ACTR3C: variants seen among roughly 807,000 people sequenced by gnomAD.
The protein encoded by ACTR3C is actin related protein 3C, also known as actin-related protein 3C.
In ACTR3C, 18 loss-of-function variants were observed where a neutral mutation model predicts 26.3. The observed-to-expected ratio is 0.68, with a 90% confidence interval of 0.47 to 1.01. The LOEUF is 1.01. Ranked by LOEUF, ACTR3C falls within the 50% of genes least tolerant of loss-of-function variation. The probability of loss-of-function intolerance (pLI) is 0.00; values close to 1 mark genes in which losing one functional copy is unlikely to be tolerated. For synonymous variants in ACTR3C, 55 were observed against 94.5 expected (o/e 0.58, Z 2.42); for missense variants, 184 against 250.7 (o/e 0.73, Z 1.80).
the ACTR3C span, among the ~76,000 whole-genome samples, chr7:150,099,833 C>A: frequency 1.3e-5 from 2 of 151,466 alleles, no homozygotes; most frequent in African/African-American, 4.9e-5. Context: ...CAGTGCCCAG[C>A]CTGCCAGCTG....
chr7:150,129,824 T>C, the ACTR3C span, among the ~76,000 whole-genome samples: 1 of 152,016 alleles, frequency 6.6e-6, no homozygotes, highest in African/African-American at 2.4e-5. Flanking sequence ...GCAGAAATCA[T>C]CAAACTTATT....
chr7:150,254,228 G>A (rs184639192), intron 6 of ACTR3C, among the ~76,000 whole-genome samples: 1 of 152,262 alleles, frequency 6.6e-6, no homozygotes, highest in Admixed American at 6.5e-5. Flanking sequence ...GCATGGCTTG[G>A]AGAACCAGTG....
the ACTR3C span, among the ~76,000 whole-genome samples, chr7:150,003,848 A>G: frequency 6.9e-6 from 1 of 145,752 alleles, no homozygotes; most frequent in Middle Eastern, 4.2e-3. Flanking sequence ...ATGATGTGGT[A>G]TATGGTGTGT....
the ACTR3C span, among the ~76,000 whole-genome samples, chr7:149,986,231 C>A: frequency 0.018 from 2,677 of 152,176 alleles, 72 homozygotes; most frequent in African/African-American, 0.061. Context: ...CTGTGGAAAA[C>A]CCACTCAACA....
At chr7:149,881,417 G>C in the ACTR3C span, 1 of 153,122 alleles carries the variant, frequency 6.5e-6, no homozygotes, top group African/African-American at 2.4e-5. Context: ...AGAAGCGAGG[G>C]GGGAGCTGCT....
the ACTR3C span, among the ~76,000 whole-genome samples, chr7:150,115,717 G>A: frequency 1.3e-5 from 2 of 152,236 alleles, no homozygotes; most frequent in African/African-American, 4.8e-5. Flanking sequence ...AATAGGTACA[G>A]TACTCAGTCA....
the ACTR3C span, among the ~76,000 whole-genome samples, chr7:150,125,256 A>ATT: frequency 0.21 from 29,556 of 142,768 alleles, 3,149 homozygotes; most frequent in Non-Finnish European, 0.25. Flanking sequence ...TCATTGCAGT[A>ATT]TTTTTTTTTT....
the ACTR3C span, among the ~76,000 whole-genome samples, chr7:150,082,947 C>CT: frequency 0.43 from 46,267 of 108,034 alleles, 10,771 homozygotes; most frequent in East Asian, 0.62. Flanking sequence ...TTTTTTTTTT[C>CT]TTTTTTTTTT....
the ACTR3C span, among the ~76,000 whole-genome samples, chr7:150,119,931 C>T: frequency 6.6e-6 from 1 of 152,208 alleles, no homozygotes; most frequent in Non-Finnish European, 1.5e-5. Flanking sequence ...TTAAGACACT[C>T]ACTCAAAACT....
the ACTR3C span, among the ~76,000 whole-genome samples, chr7:150,087,186 A>T: frequency 7.2e-5 from 10 of 139,126 alleles, no homozygotes; most frequent in African/African-American, 2.5e-4. Flanking sequence ...TTTGTTTAAA[A>T]AAAAAAAAAA....
At chr7:149,928,381 CTTTTTTTTTTTTTT>C in the ACTR3C span, among the ~76,000 whole-genome samples, 3 of 106,854 alleles carry the variant, frequency 2.8e-5, no homozygotes, top group African/African-American at 1.0e-4. Flanking sequence ...TTTTGTATTT[CTTTTTTTTTTTTTT>C]TTTTTTAGTA....
chr7:149,898,771 A>G, the ACTR3C span, among the ~76,000 whole-genome samples: 2 of 152,238 alleles, frequency 1.3e-5, no homozygotes, highest in African/African-American at 4.8e-5. Context: ...ACACACACAC[A>G]AAGTATACTT....
the ACTR3C span, among the ~76,000 whole-genome samples, chr7:149,885,577 C>T: frequency 1.3e-5 from 2 of 152,248 alleles, no homozygotes; most frequent in African/African-American, 4.8e-5. Flanking sequence ...CCTACAGGAC[C>T]TCCGCCTTGG....
At chr7:150,266,813 GGAAAAGACAGTCAA>G in intron 6 of ACTR3C, among the ~76,000 whole-genome samples, 1 of 152,312 alleles carries the variant, frequency 6.6e-6, no homozygotes, top group East Asian at 1.9e-4. Flanking sequence ...GCTAAGTACA[GGAAAAGACAGTCAA>G]CAATATTTGT....
chr7:150,039,508 T>C, the ACTR3C span, among the ~76,000 whole-genome samples: 18 of 22,784 alleles, frequency 7.9e-4, no homozygotes, highest in Admixed American at 1.1e-3. Context: ...CCCACTCTCG[T>C]GGGGGGTGCC....
chr7:150,235,188 T>C, the ACTR3C span, among the ~76,000 whole-genome samples: 3 of 152,268 alleles, frequency 2.0e-5, no homozygotes, highest in Non-Finnish European at 4.4e-5. Flanking sequence ...TAATAAATCA[T>C]ATTTTTGATG....
At chr7:150,038,438 T>C in the ACTR3C span, among the ~76,000 whole-genome samples, 5 of 143,186 alleles carry the variant, frequency 3.5e-5, 1 homozygote, top group African/African-American at 1.1e-4. Flanking sequence ...TTGCTGTTGT[T>C]GGGATCCCCA....
chr7:150,172,812 C>T, the ACTR3C span, among the ~76,000 whole-genome samples: 1 of 150,550 alleles, frequency 6.6e-6, no homozygotes, highest in Non-Finnish European at 1.5e-5. Flanking sequence ...AGAAATTGGC[C>T]AAAAGAAAGT....
At chr7:149,898,457 A>C in the ACTR3C span, among the ~76,000 whole-genome samples, 3 of 152,296 alleles carry the variant, frequency 2.0e-5, no homozygotes, top group South Asian at 2.1e-4. Flanking sequence ...TGTAATCCCA[A>C]CACTGTGGGA....
Sources: gnomAD v4.1 joint callset for allele counts (sites outside exome capture counted in the v4.1 genomes callset) on GRCh38, gnomAD v4.1.1 for gene constraint, MANE v1.5 for transcripts, NCBI Gene and HGNC (gene_info 2026-07-23, HGNC 2026-07-21) for gene names.